Variants in VAV3 observed in about 807,000 individuals in gnomAD.
The protein encoded by VAV3 is vav guanine nucleotide exchange factor 3, also known as guanine nucleotide exchange factor VAV3.
A neutral mutation model predicts 131.2 loss-of-function variants in VAV3; 94 were observed. The observed-to-expected ratio is 0.72, with a 90% CI of 0.61 to 0.85. VAV3 has a LOEUF of 0.85. Ranked by LOEUF, VAV3 falls within the 40% of genes least tolerant of loss-of-function variation. The pLI is 0.00. For synonymous variants in VAV3, 349 were observed against 342.0 expected (o/e 1.02, Z -0.22); for missense variants, 939 against 1,002.7 (o/e 0.94, Z 0.86).
intron 2 of VAV3, among the ~76,000 whole-genome samples, chr1:107,816,403 T>A (rs990209618): frequency 6.6e-6 from 1 of 152,162 alleles, no homozygotes; most frequent in Admixed American, 6.5e-5. Flanking sequence ...GTGCCAAGCA[T>A]ATAGTGGTGA....
chr1:107,629,135 A>G (rs1259025616), intron 20 of VAV3, among the ~76,000 whole-genome samples: 1 of 152,226 alleles, frequency 6.6e-6, no homozygotes, highest in Non-Finnish European at 1.5e-5. Context: ...GTAAATGACA[A>G]TGGAGCAAAT....
chr1:107,790,726 C>A (rs12754417), intron 2 of VAV3, among the ~76,000 whole-genome samples: 16,189 of 105,306 alleles, frequency 0.15, 1,071 homozygotes, highest in Middle Eastern at 0.25. Flanking sequence ...CTTGCTTTGT[C>A]ACCAAGGCTG....
At chr1:107,926,270 G>A (rs182604912) in intron 1 of VAV3, among the ~76,000 whole-genome samples, 4 of 152,156 alleles carry the variant, frequency 2.6e-5, no homozygotes, top group Admixed American at 2.6e-4. Context: ...GGCAGAACGA[G>A]ACTTGGGTCT....
intron 9 of VAV3, among the ~76,000 whole-genome samples, chr1:107,763,961 T>C (rs537863373): frequency 1.3e-5 from 2 of 151,908 alleles, no homozygotes; most frequent in Non-Finnish European, 2.9e-5. Context: ...GCTGGCTATA[T>C]ATCTCTACCT....
chr1:107,763,881 C>T (rs1031507687), intron 9 of VAV3, among the ~76,000 whole-genome samples: 15 of 150,472 alleles, frequency 1.0e-4, no homozygotes, highest in African/African-American at 3.5e-4. Context: ...GACCTCAGTG[C>T]TACACTGAAC....
chr1:107,835,968 G>A (rs1048885099), intron 2 of VAV3, among the ~76,000 whole-genome samples: 1 of 152,170 alleles, frequency 6.6e-6, no homozygotes, highest in Non-Finnish European at 1.5e-5. Context: ...ATTCCTTAGG[G>A]CTAGGGAAAC....
rs1033367246 is a variant in VAV3 at position 107,965,057 on chromosome 1, C to T, written c.-188G>A. On this transcript the variant is annotated 5_prime_UTR_variant, in exon 1 of 27. Transcript: ENST00000370056. ...GCCGCGCTAGGCTCGGCTCCGGTCC[C>T]GGCCCGGGTGCGCCGCGACCCGGCC... 193 of 232,914 alleles carry T rather than the reference C, an allele frequency of 8.3e-4. No individual in the cohort carries two copies. Among genetic ancestry groups the T allele is most frequent in the Non-Finnish European group, 1.2e-3 (177 of 141,870 alleles). 14.4% of individuals were successfully genotyped at this position (232,914 alleles called of 1,614,324 possible).
chr1:107,813,967 A>AGTGTGTGTGTGTGTGTGTGTGTGTGT (rs58318688), intron 2 of VAV3, among the ~76,000 whole-genome samples: 1 of 135,772 alleles, frequency 7.4e-6, no homozygotes, highest in Admixed American at 7.4e-5. Context: ...ATAGTACTCC[A>AGTGTGTGTGTGTGTGTGTGTGTGTGT]GTGTGTGTGT....
intron 2 of VAV3, among the ~76,000 whole-genome samples, chr1:107,836,208 C>A (rs1198410868): frequency 1.3e-5 from 2 of 152,094 alleles, no homozygotes; most frequent in African/African-American, 4.8e-5. Context: ...AATACTCAAC[C>A]CAACAATCAC....
At chr1:107,898,666 T>C (rs1320091928) in intron 1 of VAV3, among the ~76,000 whole-genome samples, 5 of 152,218 alleles carry the variant, frequency 3.3e-5, no homozygotes, top group African/African-American at 9.6e-5. Context: ...ATGACACAGA[T>C]ACTTCACAGT....
At chr1:107,755,821 G>A (rs923525036) in intron 11 of VAV3, among the ~76,000 whole-genome samples, 3 of 152,084 alleles carry the variant, frequency 2.0e-5, no homozygotes, top group African/African-American at 4.8e-5. Flanking sequence ...AAACTAGGTC[G>A]GAAGAATAGA....
At chr1:107,817,755 C>T (rs1200798007) in intron 2 of VAV3, among the ~76,000 whole-genome samples, 3 of 151,982 alleles carry the variant, frequency 2.0e-5, no homozygotes. Context: ...GACAGGACCA[C>T]ATCAGTCAGA....
At chr1:107,947,769 A>C (rs1275335184) in intron 1 of VAV3, among the ~76,000 whole-genome samples, 3 of 152,214 alleles carry the variant, frequency 2.0e-5, no homozygotes, top group Non-Finnish European at 4.4e-5. Context: ...GGATTAAAAA[A>C]TATCTAGCAT....
chr1:107,597,037 C>T (rs967108057), intron 24 of VAV3, among the ~76,000 whole-genome samples: 1 of 152,048 alleles, frequency 6.6e-6, no homozygotes, highest in African/African-American at 2.4e-5. Context: ...ATAGATTCTG[C>T]AGAAATCTGA....
intron 21 of VAV3, among the ~76,000 whole-genome samples, chr1:107,616,472 C>G (rs1169093139): frequency 6.6e-6 from 1 of 152,140 alleles, no homozygotes; most frequent in Non-Finnish European, 1.5e-5. Flanking sequence ...GATCTAAACA[C>G]TACCTATCAG....
In VAV3 at chr1:107,642,283, C is replaced by T. The variant is rs17236064; in HGVS notation, c.1914+336G>A. ...CTAAATCCTACCAAAACCAAGTGAC[C>T]TCTGGTCGTCCTCACTACTACATTC... On this transcript the variant is annotated intron_variant, in intron 20 of 26. Coordinates refer to ENST00000370056, the MANE Select transcript of VAV3 (RefSeq NM_006113.5). 6.2e-3 allele frequency among the ~76,000 whole-genome samples: 938 copies of T among 152,210 alleles called. 3 individuals are homozygous for T. Among genetic ancestry groups the T allele is most frequent in the Non-Finnish European group, 0.011 (726 of 68,004 alleles).
chr1:107,658,772 C>T (rs1436540951), intron 19 of VAV3, among the ~76,000 whole-genome samples: 1 of 152,140 alleles, frequency 6.6e-6, no homozygotes, highest in Non-Finnish European at 1.5e-5. Flanking sequence ...TGTTGATATC[C>T]TTCACCCACT....
chr1:107,894,395 A>G (rs1176713723), intron 1 of VAV3, among the ~76,000 whole-genome samples: 2 of 152,226 alleles, frequency 1.3e-5, no homozygotes, highest in Non-Finnish European at 2.9e-5. Context: ...TCTTCCTATT[A>G]GGACAGGTGT....
intron 15 of VAV3, among the ~76,000 whole-genome samples, chr1:107,729,812 T>C (rs2101963098): frequency 6.6e-6 from 1 of 152,328 alleles, no homozygotes; most frequent in Admixed American, 6.5e-5. Context: ...ATACAAAAAT[T>C]ATTTTTTGTT....
Sources: gnomAD v4.1 joint callset for allele counts (sites outside exome capture counted in the v4.1 genomes callset) on GRCh38, gnomAD v4.1.1 for gene constraint, MANE v1.5 for transcripts, NCBI Gene and HGNC (gene_info 2026-07-23, HGNC 2026-07-21) for gene names.